The following HDAC9 variants were observed in gnomAD, a reference collection of about 807,000 sequenced individuals.
HDAC9 encodes MEF-2 interacting transcription repressor (MITR) protein.
Under a neutral mutation model 139.4 loss-of-function variants are expected in HDAC9, and 41 were observed. The observed-to-expected ratio is 0.29, with a 90% CI of 0.23 to 0.38. The LOEUF (loss-of-function observed/expected upper bound fraction) is 0.38. Ranked by LOEUF, HDAC9 falls within the 10% of genes least tolerant of loss-of-function variation. The probability of loss-of-function intolerance (pLI) is 1.00; values close to 1 mark genes in which losing one functional copy is unlikely to be tolerated. For missense variants in HDAC9, 1,147 were observed against 1,297.0 expected, an observed-to-expected ratio of 0.88 and a Z score of 1.78; for synonymous variants, 517 against 476.2, an observed-to-expected ratio of 1.09 and a Z score of -1.12.
intron 24 of HDAC9, among the ~76,000 whole-genome samples, chr7:18,959,235 T>G (rs935424797): frequency 1.3e-5 from 2 of 152,128 alleles, no homozygotes; most frequent in Non-Finnish European, 2.9e-5. Flanking sequence ...AAAAGTAAAT[T>G]TATTTAGTTT....
rs1014948840 is a variant in HDAC9, at chr7:18,265,371, A to C, written c.25+103022A>C. Among the ~76,000 whole-genome samples the C allele has an allele frequency of 1.6e-4, 24 of 152,302 alleles. 1 individual carries two copies. Among genetic ancestry groups the C allele is most frequent in the African/African-American group, 5.5e-4 (23 of 41,580 alleles). ...CTATCTGCTCATGCTGTTTACCTTC[A>C]CGGAATTTCTAGGTTCAAAATCAGC... On this transcript the variant is annotated intron_variant, in intron 2 of 12. Transcript: ENST00000417496.
intron 4 of HDAC9, among the ~76,000 whole-genome samples, chr7:18,590,771 A>G (rs1177606742): frequency 2.0e-5 from 3 of 152,192 alleles, no homozygotes; most frequent in Non-Finnish European, 2.9e-5. Context: ...GCAGTCTAAT[A>G]TATGCCATCT....
At chr7:18,122,871 A>G (rs1175712577) in intron 1 of HDAC9, among the ~76,000 whole-genome samples, 2 of 152,188 alleles carry the variant, frequency 1.3e-5, no homozygotes, top group African/African-American at 2.4e-5. Flanking sequence ...TTCCTGCCTC[A>G]GCCTCCCAAA....
At chr7:18,588,321 G>A (rs1340461152) in intron 3 of HDAC9, among the ~76,000 whole-genome samples, 1 of 151,950 alleles carries the variant, frequency 6.6e-6, no homozygotes, top group African/African-American at 2.4e-5. Flanking sequence ...CACATGTTGG[G>A]TATCCCTTAT....
intron 25 of HDAC9, among the ~76,000 whole-genome samples, chr7:18,978,719 AC>A (rs890988105): frequency 2.0e-5 from 3 of 152,204 alleles, no homozygotes; most frequent in Admixed American, 6.5e-5. Context: ...AGGAATGTGT[AC>A]CTTTAAACAA....
Position 18,180,494 on chromosome 7 carries a change from G to C in HDAC9, c.25+18145G>C, listed in dbSNP as rs911708860. Among the ~76,000 whole-genome samples, 16 of 152,054 alleles carry C rather than the reference G, an allele frequency of 1.1e-4. No homozygotes were observed. The East Asian group carries it at 1.9e-3, about 18-fold the overall frequency. ...ATCATTTTACAATTTCCATCCTGCG[G>C]CCATATGAGAGGTTGTATTTGGTAC... On this transcript the variant is annotated intron_variant, in intron 2 of 12. Transcript: ENST00000417496.
chr7:18,637,161 A>C (rs1339038759), intron 8 of HDAC9, among the ~76,000 whole-genome samples: 1 of 152,100 alleles, frequency 6.6e-6, no homozygotes, highest in African/African-American at 2.4e-5. Flanking sequence ...GTAATAGTAT[A>C]TTTTTAAGAG....
At chr7:18,521,982 T>G (rs1445114040) in intron 2 of HDAC9, among the ~76,000 whole-genome samples, 2 of 152,130 alleles carry the variant, frequency 1.3e-5, no homozygotes. Context: ...AAATATTGTG[T>G]CTTCTGTTAT....
At chr7:18,468,245 A>G (rs1278861112) in intron 1 of HDAC9, among the ~76,000 whole-genome samples, 1 of 152,204 alleles carries the variant, frequency 6.6e-6, no homozygotes, top group Non-Finnish European at 1.5e-5. Context: ...CTCCTTGAGA[A>G]GAGGGTATCT....
At chr7:18,291,832 A>G (rs1318726562) in intron 1 of HDAC9, among the ~76,000 whole-genome samples, 5 of 152,084 alleles carry the variant, frequency 3.3e-5, no homozygotes, top group Non-Finnish European at 7.4e-5. Context: ...AGATTGGTCT[A>G]AGCTCACAGA....
intron 16 of HDAC9, among the ~76,000 whole-genome samples, chr7:18,771,495 T>C (rs944690929): frequency 1.3e-5 from 2 of 152,056 alleles, no homozygotes; most frequent in Admixed American, 6.6e-5. Context: ...CTTGTCAGAA[T>C]TAAAATGTAA....
At chr7:18,968,700 C>CT (rs773790642) in intron 24 of HDAC9, among the ~76,000 whole-genome samples, 1 of 152,148 alleles carries the variant, frequency 6.6e-6, no homozygotes, top group Non-Finnish European at 1.5e-5. Flanking sequence ...TGGCTCACGC[C>CT]TGTAATCCCA....
intron 24 of HDAC9, among the ~76,000 whole-genome samples, chr7:18,958,363 A>T (rs1349884237): frequency 6.6e-6 from 1 of 152,172 alleles, no homozygotes; most frequent in African/African-American, 2.4e-5. Context: ...TCACTTTCTG[A>T]AGACTTATCA....
chr7:18,596,161 G>T (rs1342113828), intron 6 of HDAC9, among the ~76,000 whole-genome samples: 1 of 147,186 alleles, frequency 6.8e-6, no homozygotes, highest in Non-Finnish European at 1.5e-5. Flanking sequence ...TTTATGAAGT[G>T]TCTGGCTGTT....
At chr7:18,288,522 T>G (rs1463295433), upstream of HDAC9, among the ~76,000 whole-genome samples, 1 of 152,226 alleles carries the variant, frequency 6.6e-6, no homozygotes, top group Non-Finnish European at 1.5e-5. Flanking sequence ...TAATTCATAT[T>G]TACTTGTTGG....
chr7:18,354,192 C>A (rs1444324878), intron 1 of HDAC9, among the ~76,000 whole-genome samples: 1 of 152,030 alleles, frequency 6.6e-6, no homozygotes, highest in Non-Finnish European at 1.5e-5. Flanking sequence ...ACTAAAAGGA[C>A]ATTTATTTAC....
At chr7:18,983,408 A>G (rs149450595) in intron 25 of HDAC9, among the ~76,000 whole-genome samples, 72 of 152,336 alleles carry the variant, frequency 4.7e-4, no homozygotes, top group African/African-American at 1.7e-3. Flanking sequence ...GCTGCTGTGA[A>G]CATGGATGTG....
intron 19 of HDAC9, among the ~76,000 whole-genome samples, chr7:18,834,898 A>G (rs1796123807): frequency 6.6e-6 from 1 of 152,222 alleles, no homozygotes; most frequent in Admixed American, 6.5e-5. Flanking sequence ...TTGGCAAATC[A>G]ATGCATACAC....
At chr7:18,246,584 T>G (rs1353365225) in intron 2 of HDAC9, among the ~76,000 whole-genome samples, 1 of 152,016 alleles carries the variant, frequency 6.6e-6, no homozygotes, top group Non-Finnish European at 1.5e-5. Flanking sequence ...TTTGGCATTT[T>G]GGGGAGGTGA....
Sources: allele counts gnomAD v4.1 joint callset (sites outside exome capture counted in the v4.1 genomes callset), GRCh38; gene constraint gnomAD v4.1.1; transcripts MANE v1.5; gene names NCBI Gene and HGNC (gene_info 2026-07-23, HGNC 2026-07-21).